Variants in SNRNP70 observed in about 807,000 individuals in gnomAD.
The protein encoded by SNRNP70 is U1 small nuclear ribonucleoprotein 70 kDa.
A neutral mutation model predicts 50.5 loss-of-function variants in SNRNP70; 8 were observed. The observed-to-expected ratio is 0.16, with a 90% CI of 0.09 to 0.29. The LOEUF (loss-of-function observed/expected upper bound fraction) is 0.29. SNRNP70 is among the 10% of genes least tolerant of loss of function. The pLI is 1.00. For synonymous variants in SNRNP70, 320 were observed against 252.9 expected (o/e 1.27, Z -2.52); for missense variants, 529 against 663.5 (o/e 0.80, Z 2.23).
intron 4 of SNRNP70, among the ~76,000 whole-genome samples, chr19:49,093,442 T>C (rs2040473648): frequency 6.6e-6 from 1 of 151,784 alleles, no homozygotes; most frequent in African/African-American, 2.4e-5. Flanking sequence ...CCTGTAATCC[T>C]TCAAGGCAGG....
chr19:49,093,399 A>T (rs1168104596), intron 4 of SNRNP70, among the ~76,000 whole-genome samples: 1 of 151,992 alleles, frequency 6.6e-6, no homozygotes, highest in East Asian at 2.0e-4. Context: ...AATGCTTTTT[A>T]AAAACGGTTC....
intron 4 of SNRNP70, among the ~76,000 whole-genome samples, chr19:49,093,273 A>T (rs1342657887): frequency 6.6e-6 from 1 of 151,016 alleles, no homozygotes; most frequent in Non-Finnish European, 1.5e-5. Context: ...ATTTTTAGAG[A>T]CAGGGTTTCT....
At chr19:49,089,586 G>C (rs1292098997) in intron 2 of SNRNP70, among the ~76,000 whole-genome samples, 2 of 150,474 alleles carry the variant, frequency 1.3e-5, no homozygotes, top group Non-Finnish European at 2.9e-5. Flanking sequence ...CCTGGTTTCT[G>C]TACTTATCAC....
Position 49,097,218 on chromosome 19 carries a change from G to A in SNRNP70, c.266-1209G>A, listed in dbSNP as rs1296396461. Among the ~76,000 whole-genome samples the A allele has an allele frequency of 2.6e-5, 4 of 152,172 alleles. No homozygotes were observed. The East Asian group carries it at 5.8e-4, about 22-fold the overall frequency. On this transcript the variant is annotated intron_variant, in intron 4 of 9. Coordinates refer to ENST00000598441, the MANE Select transcript of SNRNP70 (RefSeq NM_003089.6). ...GAAAAGGTAGCACCCGAGGGTTCGG[G>A]GAAGGAGCCTGGTAGTTCAAGTGCC...
intron 2 of SNRNP70, among the ~76,000 whole-genome samples, chr19:49,088,728 C>T (rs1164366542): frequency 6.6e-6 from 1 of 152,066 alleles, no homozygotes; most frequent in African/African-American, 2.4e-5. Context: ...AACTCCTGAC[C>T]TTGTGATCTG....
chr19:49,099,128 C>CT lies in SNRNP70; in HGVS notation c.393+428dup, dbSNP rs370374399. 1.5e-3 allele frequency among the ~76,000 whole-genome samples: 235 copies of CT among 152,286 alleles called. 1 individual carries two copies. Among genetic ancestry groups the CT allele is most frequent in the African/African-American group, 5.5e-3 (229 of 41,546 alleles). On this transcript the variant is annotated intron_variant, in intron 6 of 9. Transcript: ENST00000598441. ...AGGAAGGCTTTGTTTTACCAATCTT[C>CT]TTTTAAGTCACTGAAGTGCTCTGTG...
chr19:49,097,094 C>A (rs1052080359), intron 4 of SNRNP70, among the ~76,000 whole-genome samples: 5 of 151,618 alleles, frequency 3.3e-5, no homozygotes, highest in African/African-American at 1.2e-4. Flanking sequence ...TGCGCCATTG[C>A]ACTTTAAGCC....
At chr19:49,094,747 C>T (rs745692457) in intron 4 of SNRNP70, among the ~76,000 whole-genome samples, 3 of 152,196 alleles carry the variant, frequency 2.0e-5, no homozygotes, top group South Asian at 2.1e-4. Flanking sequence ...GTCAAGGGGA[C>T]GGTGCCTCCT....
At position 49,107,756 on chromosome 19, in the gene SNRNP70, G is replaced by T. The variant is rs2040692430; in HGVS notation, c.666-39G>T. The T allele has an allele frequency of 1.2e-6, 2 of 1,612,370 alleles. No homozygotes were observed. The highest frequency in any genetic ancestry group is 2.2e-5 in the East Asian group (1 of 44,860). The stretch of plus-strand genomic sequence containing the variant: ...TGTCCTGGGGTGGGGGGCGGTCACG[G>T]GGGGAGCCCAGCCACACAGGTCTGC... On this transcript the variant is annotated intron_variant, in intron 9 of 9. Coordinates refer to ENST00000598441, the MANE Select transcript of SNRNP70 (RefSeq NM_003089.6). This position sits in a 1 kb window ranked among gnomAD's most constrained non-coding sequence, Gnocchi z 6.0.
At chr19:49,093,515 C>A (rs1481467072) in intron 4 of SNRNP70, among the ~76,000 whole-genome samples, 1 of 151,352 alleles carries the variant, frequency 6.6e-6, no homozygotes, top group Non-Finnish European at 1.5e-5. Flanking sequence ...CCTGTTTCTG[C>A]TAAGAATACA....
At chr19:49,102,019 G>A (rs970393996) in intron 7 of SNRNP70, 18 of 543,034 alleles carry the variant, frequency 3.3e-5, no homozygotes, top group Non-Finnish European at 5.4e-5. Flanking sequence ...CTGCCGCGGC[G>A]TCCACATGGG....
At chr19:49,102,274 C>T (rs1452377272) in intron 7 of SNRNP70, 3 of 789,664 alleles carry the variant, frequency 3.8e-6, no homozygotes, top group South Asian at 1.4e-5. Flanking sequence ...CCTCCTCCCA[C>T]CCCAGTCGCC....
intron 4 of SNRNP70, among the ~76,000 whole-genome samples, chr19:49,095,975 C>CAAA (rs11356728): frequency 1.1e-5 from 1 of 91,928 alleles, no homozygotes; most frequent in Non-Finnish European, 2.2e-5. Context: ...TTAGCTGGTG[C>CAAA]AAAAAAAAAA....
At chr19:49,086,356 C>T (rs2040379438) in intron 1 of SNRNP70, 49 bp from the exon 2 acceptor site, 2 of 1,544,192 alleles carry the variant, frequency 1.3e-6, no homozygotes, top group Non-Finnish European at 8.7e-7. Flanking sequence ...CAGGGGCTTT[C>T]TCTGTGCAGA....
chr19:49,091,790 C>T (rs2040450620), intron 4 of SNRNP70, among the ~76,000 whole-genome samples: 1 of 152,216 alleles, frequency 6.6e-6, no homozygotes, highest in African/African-American at 2.4e-5. Flanking sequence ...TCTTGATGTC[C>T]TGCCTCAGAG....
intron 5 of SNRNP70, 66 bp from the exon 6 acceptor site, chr19:49,098,576 G>A (rs2040541913): frequency 1.9e-6 from 3 of 1,593,808 alleles, no homozygotes; most frequent in Non-Finnish European, 2.6e-6. Context: ...TAGGTACAGG[G>A]GAATGTTCCA....
At position 49,104,777 on chromosome 19, in the gene SNRNP70, G is replaced by T. The variant is rs996603885; in HGVS notation, c.577+42G>T. The T allele has an allele frequency of 7.6e-7, 1 of 1,320,942 alleles. No homozygotes were observed. The highest frequency in any genetic ancestry group is 1.0e-6 in the Non-Finnish European group (1 of 970,492). The allele number at this position is 1,320,942 out of a possible 1,614,324, so 81.8% of individuals were successfully genotyped here. ...TTCGACGGGCTCTCGGGGGCCCTGG[G>T]CCTGGTGGCCTTGTTCTCCCTTCTC... On this transcript the variant is annotated intron_variant, in intron 8 of 9. Transcript: ENST00000598441. This position sits in a 1 kb window ranked among gnomAD's most constrained non-coding sequence, Gnocchi z 5.4.
intron 5 of SNRNP70, 35 bp downstream of exon 5, chr19:49,098,526 G>A (rs942306945): frequency 3.7e-6 from 6 of 1,605,074 alleles, no homozygotes; most frequent in East Asian, 2.2e-5. Flanking sequence ...GGAACCCCAC[G>A]CTGCTGAGAG....
chr19:49,089,373 G>A (rs1314550160), intron 2 of SNRNP70, among the ~76,000 whole-genome samples: 1 of 151,962 alleles, frequency 6.6e-6, no homozygotes, highest in Non-Finnish European at 1.5e-5. Context: ...GCACAGGGGG[G>A]AAAGCAGGGC....
Sources: allele counts gnomAD v4.1 joint callset (sites outside exome capture counted in the v4.1 genomes callset), GRCh38; gene constraint gnomAD v4.1.1; non-coding constraint Gnocchi (gnomAD v3.1); transcripts MANE v1.5; gene names NCBI Gene and HGNC (gene_info 2026-07-23, HGNC 2026-07-21).